SPOCK3: variants seen among roughly 807,000 people sequenced by gnomAD.
The protein encoded by SPOCK3 is testican-3.
SPOCK3 carries 30 observed loss-of-function variants against 56.6 expected under a neutral mutation model. The observed-to-expected ratio is 0.53, with a 90% confidence interval of 0.40 to 0.72. The LOEUF (loss-of-function observed/expected upper bound fraction) is 0.72, where lower values mean the gene tolerates loss of function less well. Ranked by LOEUF, SPOCK3 falls within the 30% of genes least tolerant of loss-of-function variation. SPOCK3 has a pLI of 0.00. For missense variants in SPOCK3, 527 were observed against 530.0 expected (o/e 0.99, Z 0.06); for synonymous variants, 196 against 183.3 (o/e 1.07, Z -0.56).
At chr4:167,176,004 G>T (rs1042838624) in intron 2 of SPOCK3, among the ~76,000 whole-genome samples, 7 of 152,134 alleles carry the variant, frequency 4.6e-5, no homozygotes, top group African/African-American at 4.8e-5. Flanking sequence ...AAATCAAGGT[G>T]TAATCAGGGC....
chr4:166,847,647 T>TTTTATATATATATATATA (rs369353581), intron 6 of SPOCK3, among the ~76,000 whole-genome samples: 15 of 55,394 alleles, frequency 2.7e-4, no homozygotes, highest in African/African-American at 6.1e-4. Flanking sequence ...AAATCCTAGT[T>TTTTATATATATATATATA]TATATATATA....
intron 6 of SPOCK3, among the ~76,000 whole-genome samples, chr4:166,820,841 A>T (rs1341334073): frequency 2.0e-5 from 3 of 151,938 alleles, no homozygotes; most frequent in Non-Finnish European, 4.4e-5. Flanking sequence ...AATAATTAAA[A>T]CTATAAAGTG....
intron 2 of SPOCK3, among the ~76,000 whole-genome samples, chr4:167,227,231 C>T (rs1266860905): frequency 6.6e-6 from 1 of 152,078 alleles, no homozygotes; most frequent in Non-Finnish European, 1.5e-5. Flanking sequence ...GACACGACAG[C>T]TTAGACACGG....
At chr4:166,807,412 G>A (rs995966962) in intron 6 of SPOCK3, among the ~76,000 whole-genome samples, 10 of 152,070 alleles carry the variant, frequency 6.6e-5, no homozygotes, top group African/African-American at 2.4e-4. Context: ...TAAGTGCAGA[G>A]TGACTGATTA....
At chr4:166,867,099 A>G (rs1236954248) in intron 6 of SPOCK3, among the ~76,000 whole-genome samples, 1 of 152,080 alleles carries the variant, frequency 6.6e-6, no homozygotes, top group African/African-American at 2.4e-5. Flanking sequence ...AGAAGAGTAA[A>G]GAAGACATCT....
chr4:166,847,679 A>ATG (rs2126859277), intron 6 of SPOCK3, among the ~76,000 whole-genome samples: 2 of 93,458 alleles, frequency 2.1e-5, no homozygotes, highest in East Asian at 2.3e-3. Context: ...ATATATATAT[A>ATG]TAAGAATCAT....
At chr4:166,995,249 A>G (rs61690623) in intron 4 of SPOCK3, among the ~76,000 whole-genome samples, 98,132 of 151,088 alleles carry the variant, frequency 0.65, 33,611 homozygotes, top group East Asian at 0.84. Flanking sequence ...GTATGTATGT[A>G]TGTGTGTGTG....
At chr4:166,921,677 TCTC>T (rs776942222) in intron 4 of SPOCK3, among the ~76,000 whole-genome samples, 25 of 152,170 alleles carry the variant, frequency 1.6e-4, no homozygotes, top group Non-Finnish European at 3.5e-4. Context: ...AAGGAACTGT[TCTC>T]CTGGAAATTG....
At chr4:167,051,808 T>C (rs1022686995) in intron 3 of SPOCK3, among the ~76,000 whole-genome samples, 3 of 152,236 alleles carry the variant, frequency 2.0e-5, no homozygotes, top group African/African-American at 7.2e-5. Context: ...TTCTAGATTG[T>C]GTGTCTTCAG....
At position 167,194,904 on chromosome 4, in the gene SPOCK3, CTCCCATTCGG is replaced by C. The variant is rs1417500182; in HGVS notation, c.189+39071_189+39080del. ...GGCTCCCACTAGGTATCTGGGAGGT[CTCCCATTCGG>C]TCCCTGTAAAGATACCTGTGTTGGC... is the stretch of plus-strand genomic sequence containing the variant. On this transcript the variant is annotated intron_variant, in intron 2 of 10. Coordinates refer to ENST00000357545, the MANE Select transcript of SPOCK3 (RefSeq NM_001040159.2). 2.6e-5 allele frequency among the ~76,000 whole-genome samples: 4 copies of C among 152,272 alleles called. No homozygotes were observed. In the East Asian group the frequency reaches 7.7e-4, roughly 29 times the overall value.
chr4:167,221,068 T>G (rs1462484163), intron 2 of SPOCK3, among the ~76,000 whole-genome samples: 2 of 151,880 alleles, frequency 1.3e-5, no homozygotes, highest in African/African-American at 4.8e-5. Flanking sequence ...TGTCAAAAGA[T>G]AGAAAACCAA....
chr4:166,745,608 A>T (rs1025508375), intron 8 of SPOCK3, among the ~76,000 whole-genome samples: 37 of 152,322 alleles, frequency 2.4e-4, no homozygotes, highest in African/African-American at 8.9e-4. Flanking sequence ...AGCTAACATC[A>T]TAACGATAGG....
rs1030080787 is a variant in SPOCK3, at chr4:167,010,434, C to T, written c.236-9971G>A. Among the ~76,000 whole-genome samples the T allele has an allele frequency of 6.7e-5, 10 of 149,316 alleles. 1 individual carries two copies. Among genetic ancestry groups the T allele is most frequent in the Admixed American group, 1.4e-4 (2 of 14,804 alleles). The stretch of plus-strand genomic sequence containing the variant: ...CTCAGAAAGCTGAGATGTGGAGAAT[C>T]GCTTGAGCCCAGGAAGTTGAGGCTG... On this transcript the variant is annotated intron_variant, in intron 3 of 10. Coordinates refer to ENST00000357545, the MANE Select transcript of SPOCK3 (RefSeq NM_001040159.2).
intron 6 of SPOCK3, among the ~76,000 whole-genome samples, chr4:166,843,383 C>T (rs1195700733): frequency 6.6e-6 from 1 of 152,256 alleles, no homozygotes; most frequent in Non-Finnish European, 1.5e-5. Context: ...GTGAAGGGAT[C>T]TTGCAGATGC....
chr4:167,097,423 A>G (rs1401790370), intron 2 of SPOCK3, among the ~76,000 whole-genome samples: 1 of 151,768 alleles, frequency 6.6e-6, no homozygotes, highest in Non-Finnish European at 1.5e-5. Flanking sequence ...TGCTCCTCAG[A>G]AAAAAATCTG....
At chr4:167,194,564 T>C (rs1468348639) in intron 2 of SPOCK3, among the ~76,000 whole-genome samples, 1 of 152,208 alleles carries the variant, frequency 6.6e-6, no homozygotes, top group African/African-American at 2.4e-5. Context: ...TCTCTCCGAG[T>C]GTGCAGACTA....
chr4:167,067,522 T>G (rs1357303095), intron 2 of SPOCK3, among the ~76,000 whole-genome samples: 1 of 151,822 alleles, frequency 6.6e-6, no homozygotes, highest in African/African-American at 2.4e-5. Flanking sequence ...AGTCCAGTTC[T>G]GGGTGGGGTA....
chr4:166,844,372 A>G (rs932515035), intron 6 of SPOCK3, among the ~76,000 whole-genome samples: 3 of 152,228 alleles, frequency 2.0e-5, no homozygotes, highest in Non-Finnish European at 2.9e-5. Context: ...AGTCTATTCT[A>G]TGAATCAACC....
At chr4:166,785,786 C>A (rs972843300) in intron 7 of SPOCK3, among the ~76,000 whole-genome samples, 1 of 152,102 alleles carries the variant, frequency 6.6e-6, no homozygotes, top group Non-Finnish European at 1.5e-5. Context: ...CTTTTGGAAA[C>A]TATGTTATGT....
Sources: allele counts gnomAD v4.1 joint callset (sites outside exome capture counted in the v4.1 genomes callset), GRCh38; gene constraint gnomAD v4.1.1; transcripts MANE v1.5; gene names NCBI Gene and HGNC (gene_info 2026-07-23, HGNC 2026-07-21).